Variants in RNF19B observed in about 807,000 individuals in gnomAD.
The protein encoded by RNF19B is ring finger protein 19B, also known as E3 ubiquitin-protein ligase RNF19B.
Under a neutral mutation model 65.5 loss-of-function variants are expected in RNF19B, and 23 were observed. That is an observed-to-expected ratio of 0.35 (90% CI 0.25 to 0.50). The LOEUF (loss-of-function observed/expected upper bound fraction) is 0.50. Among genes scored for constraint, RNF19B ranks in the 20% least tolerant of loss-of-function variants. The pLI, the probability that RNF19B is intolerant of heterozygous loss-of-function variation, is 0.98. For synonymous variants in RNF19B, 372 were observed against 379.6 expected, an observed-to-expected ratio of 0.98 and a Z score of 0.23; for missense variants, 794 against 980.0, an observed-to-expected ratio of 0.81 and a Z score of 2.53.
At chr1:32,929,882 T>A in the RNF19B span, among the ~76,000 whole-genome samples, 5 of 152,174 alleles carry the variant, frequency 3.3e-5, no homozygotes, top group Non-Finnish European at 7.4e-5. Context: ...TCCCATCATC[T>A]CTACTGATAT....
downstream of RNF19B, among the ~76,000 whole-genome samples, chr1:32,934,065 A>C (rs1642060630): frequency 6.6e-6 from 1 of 152,158 alleles, no homozygotes; most frequent in African/African-American, 2.4e-5. Context: ...TCTTTTTCCA[A>C]CAAGTTCTCT....
Position 32,964,218 on chromosome 1 carries a change from C to T in RNF19B, c.468G>A (p.Glu156=). The change falls in exon 1 of 9, where the codon GAG becomes GAA. Residue 156 remains glutamate (E), a synonymous_variant. Transcript: ENST00000235150. This position sits in a 1 kb window ranked among gnomAD's most constrained non-coding sequence, Gnocchi z 6.5. ...LRHYLRLEIS[E]SRVPISCPEC... is the part of the protein sequence containing the mutation. The stretch of plus-strand genomic sequence containing the variant: ...CGGGGCAGCTGATGGGCACCCTGCT[C>T]TCGCTTATCTCCAGGCGCAGGTAGT... The T allele has an allele frequency of 6.5e-7, 1 of 1,546,516 alleles. No homozygotes were observed. Among genetic ancestry groups the T allele is most frequent in the African/African-American group, 1.4e-5 (1 of 72,368 alleles).
intron 1 of RNF19B, among the ~76,000 whole-genome samples, chr1:32,956,418 C>T (rs919701681): frequency 2.7e-5 from 4 of 150,770 alleles, no homozygotes; most frequent in South Asian, 2.1e-4. Context: ...TGTGGTGGGG[C>T]GCGGTGGCGT....
chr1:32,951,958 C>G (rs918002688), intron 1 of RNF19B, among the ~76,000 whole-genome samples: 2 of 123,170 alleles, frequency 1.6e-5, no homozygotes, highest in African/African-American at 3.1e-5. Flanking sequence ...CCACGCCCGG[C>G]TTTTTTTTTT....
At chr1:32,929,725 G>T in the RNF19B span, among the ~76,000 whole-genome samples, 1 of 152,068 alleles carries the variant, frequency 6.6e-6, no homozygotes, top group African/African-American at 2.4e-5. Flanking sequence ...CTCCATTTTG[G>T]TGACTCAAAA....
At chr1:32,952,429 TAAAAAAAAAAAAA>T (rs375150376) in intron 1 of RNF19B, among the ~76,000 whole-genome samples, 26 of 74,010 alleles carry the variant, frequency 3.5e-4, no homozygotes, top group East Asian at 1.3e-3. Context: ...CCTTTTCTCT[TAAAAAAAAAAAAA>T]AAAAAAAAAA....
chr1:32,948,113 G>T, intron 3 of RNF19B, 109 bp downstream of exon 3: 1 of 1,184,860 alleles, frequency 8.4e-7, no homozygotes, highest in Non-Finnish European at 1.2e-6. Flanking sequence ...AGTTTTCACA[G>T]CTTCCTTAAA....
At chr1:32,933,401 C>A (rs866031676), downstream of RNF19B, among the ~76,000 whole-genome samples, 2 of 151,926 alleles carry the variant, frequency 1.3e-5, no homozygotes, top group African/African-American at 4.8e-5. Flanking sequence ...ACTACAGGCG[C>A]CCACCACTAC....
In RNF19B at chr1:32,936,517, C is replaced by T; in HGVS notation, c.*289G>A. On this transcript the variant is annotated 3_prime_UTR_variant, in exon 9 of 9. Coordinates refer to ENST00000235150, the MANE Select transcript of RNF19B (RefSeq NM_001300826.2). ...ATATGTTTAGCATTCAATATACACA[C>T]ATACATATGTACACTCTTTGACACA... 1 of 287,090 alleles carries T rather than the reference C, an allele frequency of 3.5e-6. No homozygotes were observed. Among genetic ancestry groups the T allele is most frequent in the Admixed American group, 4.8e-5 (1 of 20,852 alleles). 17.8% of individuals were successfully genotyped at this position (287,090 alleles called of 1,614,324 possible). A position where few individuals can be genotyped will look rare whatever the true frequency, so the allele number is the denominator to read the frequency against.
intron 3 of RNF19B, 60 bp from the exon 4 acceptor site, chr1:32,946,624 A>C (rs1642372835): frequency 2.5e-5 from 36 of 1,459,476 alleles, no homozygotes; most frequent in Non-Finnish European, 3.3e-5. Context: ...GTATTATCAT[A>C]GGGCTTGATA....
intron 1 of RNF19B, among the ~76,000 whole-genome samples, chr1:32,956,687 A>G (rs1642647124): frequency 6.6e-6 from 1 of 152,250 alleles, no homozygotes; most frequent in South Asian, 2.1e-4. Flanking sequence ...AAATCTTCAG[A>G]AACTTCATAA....
downstream of RNF19B, among the ~76,000 whole-genome samples, chr1:32,933,830 T>A (rs1223759280): frequency 6.6e-6 from 1 of 152,116 alleles, no homozygotes; most frequent in African/African-American, 2.4e-5. Flanking sequence ...AGGATCATCA[T>A]CTCCATTTTG....
chr1:32,938,381 C>T lies in RNF19B; in HGVS notation c.1742+16G>A, dbSNP rs994149601. 3 of 1,613,932 alleles carry T rather than the reference C, an allele frequency of 1.9e-6. No homozygotes were observed. Among genetic ancestry groups the T allele is most frequent in the Admixed American group, 1.7e-5 (1 of 59,974 alleles). On this transcript the variant is annotated intron_variant, in intron 8 of 8. Coordinates refer to ENST00000235150, the MANE Select transcript of RNF19B (RefSeq NM_001300826.2). ...AAAAAATGCAACCTCTCCTGGACAT[C>T]TGACTGTTCACATACCTGTCCTGTG...
downstream of RNF19B, among the ~76,000 whole-genome samples, chr1:32,931,893 T>G (rs1458703048): frequency 6.6e-6 from 1 of 152,240 alleles, no homozygotes; most frequent in Non-Finnish European, 1.5e-5. Flanking sequence ...GTAAGCAATT[T>G]GCCTACCAGT....
chr1:32,949,366 A>T (rs538259351), intron 2 of RNF19B, among the ~76,000 whole-genome samples: 38 of 152,200 alleles, frequency 2.5e-4, no homozygotes, highest in African/African-American at 8.4e-4. Flanking sequence ...GTTGCATTTC[A>T]ATTTTATATA....
chr1:32,963,756 A>G (rs1408583112), intron 1 of RNF19B, among the ~76,000 whole-genome samples: 2 of 149,016 alleles, frequency 1.3e-5, no homozygotes, highest in Admixed American at 1.3e-4. Flanking sequence ...TACTGTCCTC[A>G]CCTCCGGACA....
intron 2 of RNF19B, 98 bp from the exon 3 acceptor site, chr1:32,948,461 C>A: frequency 7.8e-7 from 1 of 1,285,026 alleles, no homozygotes; most frequent in Non-Finnish European, 1.1e-6. Context: ...AATGAGGCAG[C>A]AGTCAAGAAC....
chr1:32,929,833 T>C, the RNF19B span, among the ~76,000 whole-genome samples: 90 of 152,270 alleles, frequency 5.9e-4, 3 homozygotes, highest in East Asian at 0.012. Flanking sequence ...TACAGCTCTG[T>C]TGCCTTGGTA....
At position 32,936,991 on chromosome 1, in the gene RNF19B, C is replaced by T. The variant is rs2124100833; in HGVS notation, c.2011G>A (p.Ala671Thr). 2.5e-6 allele frequency: 4 copies of T among 1,614,176 alleles called. No homozygotes were observed. Among genetic ancestry groups the T allele is most frequent in the South Asian group, 1.1e-5 (1 of 91,076 alleles). The part of the protein sequence containing the change: ...SIRSDLESSD[A>T]QSDDVPDITS... ...ATGTCTGGCACATCGTCTGACTGTG[C>T]ATCAGAACTCTCTAGGTCACTGCGG... Residue 671 changes from alanine (A) to threonine (T), a missense_variant, in exon 9 of 9, where the codon GCA becomes ACA. By Grantham distance (58) the Ala-to-Thr change is moderately conservative. This residue lies in a region of RNF19B where 368 missense variants were observed against 447.3 expected (regional missense o/e 0.82). Transcript: ENST00000235150.
Sources: allele counts gnomAD v4.1 joint callset (sites outside exome capture counted in the v4.1 genomes callset), GRCh38; gene constraint gnomAD v4.1.1; regional missense constraint gnomAD v4.1.1; non-coding constraint Gnocchi (gnomAD v3.1); transcripts MANE v1.5; gene names NCBI Gene and HGNC (gene_info 2026-07-23, HGNC 2026-07-21).